RIPK1: variants seen among roughly 807,000 people sequenced by gnomAD.
The protein encoded by RIPK1 is receptor interacting serine/threonine kinase 1.
Under a neutral mutation model 62.4 loss-of-function variants are expected in RIPK1, and 27 were observed. The observed-to-expected ratio is 0.43, with a 90% confidence interval of 0.32 to 0.60. The LOEUF (loss-of-function observed/expected upper bound fraction) is 0.60, where lower values mean the gene tolerates loss of function less well. Among genes scored for constraint, RIPK1 ranks in the 20% least tolerant of loss-of-function variants. The pLI, the probability that RIPK1 is intolerant of heterozygous loss-of-function variation, is 0.07. For missense variants in RIPK1, 735 were observed against 831.0 expected, an observed-to-expected ratio of 0.88 and a Z score of 1.42; for synonymous variants, 287 against 303.2, an observed-to-expected ratio of 0.95 and a Z score of 0.55.
chr6:3,076,835 C>G lies in RIPK1; in HGVS notation c.12C>G (p.Asp4Glu), dbSNP rs1197907942. Reference sequence around the variant, plus strand: ...TCTTGAGCTTCAGAATGCAACCAGACATGTCCTTGAATGTCATTAAGATGA... The same window carrying G: ...TCTTGAGCTTCAGAATGCAACCAGAGATGTCCTTGAATGTCATTAAGATGA... MQP[D>E]MSLNVIKMKS... The change falls in exon 2 of 11, where the codon GAC becomes GAG. Residue 4 changes from aspartate to glutamate, a missense_variant. Coordinates refer to ENST00000259808, the MANE Select transcript of RIPK1 (RefSeq NM_001354930.2). The G allele has an allele frequency of 6.2e-7, 1 of 1,613,076 alleles. No homozygotes were observed. The highest frequency in any genetic ancestry group is 1.1e-5 in the South Asian group (1 of 91,010).
At position 3,072,592 on chromosome 6, in the gene RIPK1, G is replaced by A. The variant is rs978888981; in HGVS notation, c.-61+3931G>A. Among the ~76,000 whole-genome samples, 1 of 152,056 alleles carries A rather than the reference G, an allele frequency of 6.6e-6. No individual in the cohort carries two copies. Among genetic ancestry groups the A allele is most frequent in the Non-Finnish European group, 1.5e-5 (1 of 68,010 alleles). Reference sequence around the variant, plus strand: ...TTCAATTGATGATGGGCCGGCATACGTTGGGTTCTGCTAGGCTCTGGAGAT... The same window carrying A: ...TTCAATTGATGATGGGCCGGCATACATTGGGTTCTGCTAGGCTCTGGAGAT... On this transcript the variant is annotated intron_variant, in intron 1 of 10. Coordinates refer to ENST00000259808, the MANE Select transcript of RIPK1 (RefSeq NM_001354930.2). The surrounding 1 kb of genome is among the most constrained non-coding windows in gnomAD (Gnocchi z 5.6).
intron 1 of RIPK1, among the ~76,000 whole-genome samples, chr6:3,075,768 T>G (rs555285400): frequency 3.3e-5 from 5 of 152,294 alleles, no homozygotes; most frequent in Non-Finnish European, 5.9e-5. Flanking sequence ...AAGTTCATAG[T>G]TTAGGCGATC....
intron 7 of RIPK1, among the ~76,000 whole-genome samples, chr6:3,097,688 A>G (rs1760385192): frequency 6.6e-6 from 1 of 152,240 alleles, no homozygotes. Flanking sequence ...GGGGATCCTC[A>G]ACAGTATACA....
rs932277258 is a variant in RIPK1, at chr6:3,115,087, A to G, written c.*1748A>G. 3.3e-5 allele frequency: 5 copies of G among 152,186 alleles called. No homozygotes were observed. The highest frequency in any genetic ancestry group is 1.2e-4 in the African/African-American group (5 of 41,442). The allele number at this position is 152,186 out of a possible 1,614,324, so 9.4% of individuals were successfully genotyped here. ...CTTGTACCACCATCCAAATGGTGTT[A>G]TCAAATCTCTTAGATTCCAAAGAGG... On this transcript the variant is annotated 3_prime_UTR_variant, in exon 11 of 11. Coordinates refer to ENST00000259808, the MANE Select transcript of RIPK1 (RefSeq NM_001354930.2).
intron 6 of RIPK1, among the ~76,000 whole-genome samples, chr6:3,088,140 T>C (rs1759826509): frequency 6.6e-6 from 1 of 152,246 alleles, no homozygotes; most frequent in South Asian, 2.1e-4. Context: ...CTGTATCCTC[T>C]TTAAGCCTTC....
rs996717080 is a variant in RIPK1 at position 3,114,708 on chromosome 6, C to G, written c.*1369C>G. 1 of 152,284 alleles carries G rather than the reference C, an allele frequency of 6.6e-6. No homozygotes were observed. The highest frequency in any genetic ancestry group is 2.4e-5 in the African/African-American group (1 of 41,428). 9.4% of individuals were successfully genotyped at this position (152,284 alleles called of 1,614,324 possible). A position where few individuals can be genotyped will look rare whatever the true frequency, so the allele number is the denominator to read the frequency against. On this transcript the variant is annotated 3_prime_UTR_variant, in exon 11 of 11. Transcript: ENST00000259808. The surrounding 1 kb of genome is among the most constrained non-coding windows in gnomAD (Gnocchi z 5.0). ...TGCAGAGCAGGCTGTCTCAGCCTTG[C>G]CACTGTCGGCATCTCGGCCTGGGTA... is the stretch of plus-strand genomic sequence containing the variant.
chr6:3,098,368 A>G (rs1432243808), intron 7 of RIPK1, among the ~76,000 whole-genome samples: 2 of 152,242 alleles, frequency 1.3e-5, no homozygotes, highest in Non-Finnish European at 2.9e-5. Context: ...ATACACCAAA[A>G]AAGTGCACAA....
Position 3,082,982 on chromosome 6 carries a change from T to A in RIPK1, c.460-103T>A, listed in dbSNP as rs1759479202. The A allele has an allele frequency of 5.4e-6, 6 of 1,121,358 alleles. No homozygotes were observed. The Admixed American group carries it at 1.1e-4, about 21-fold the overall frequency. 69.5% of individuals were successfully genotyped at this position (1,121,358 alleles called of 1,614,324 possible). On this transcript the variant is annotated intron_variant, in intron 4 of 10. Coordinates refer to ENST00000259808, the MANE Select transcript of RIPK1 (RefSeq NM_001354930.2). ...CCCAGTGCAACCATTTCTGGAAAATTTACCGTACCTTATGTATAATGGATA... is the reference window on the plus strand; with the variant it reads ...CCCAGTGCAACCATTTCTGGAAAATATACCGTACCTTATGTATAATGGATA...
upstream of RIPK1, among the ~76,000 whole-genome samples, chr6:3,066,752 A>G (rs1488687880): frequency 2.0e-5 from 3 of 152,196 alleles, no homozygotes; most frequent in African/African-American, 7.2e-5. Flanking sequence ...AAACATATAC[A>G]TTATCAGCCA....
intron 9 of RIPK1, among the ~76,000 whole-genome samples, chr6:3,110,320 T>C (rs1419949112): frequency 6.6e-6 from 1 of 151,484 alleles, no homozygotes; most frequent in African/African-American, 2.4e-5. Context: ...GTGATTCTCC[T>C]GCCTCAGCCT....
intron 5 of RIPK1, among the ~76,000 whole-genome samples, chr6:3,084,718 C>T (rs1406558505): frequency 6.6e-5 from 10 of 151,918 alleles, no homozygotes; most frequent in South Asian, 2.1e-4. Flanking sequence ...CTCAGCCTCC[C>T]GAGTAGCTGG....
intron 4 of RIPK1, among the ~76,000 whole-genome samples, chr6:3,082,840 G>T (rs939164038): frequency 3.9e-5 from 6 of 152,166 alleles, no homozygotes; most frequent in Non-Finnish European, 7.3e-5. Context: ...CCCCCTTACT[G>T]CATAAGGAAT....
chr6:3,071,404 A>G (rs1758705569), intron 1 of RIPK1, among the ~76,000 whole-genome samples: 1 of 152,236 alleles, frequency 6.6e-6, no homozygotes, highest in Non-Finnish European at 1.5e-5. Flanking sequence ...CCCTGAATTA[A>G]TATTTATGCA....
chr6:3,072,631 A>G lies in RIPK1; in HGVS notation c.-61+3970A>G, dbSNP rs920786039. Among the ~76,000 whole-genome samples, 1 of 152,152 alleles carries G rather than the reference A, an allele frequency of 6.6e-6. No individual in the cohort carries two copies. Among genetic ancestry groups the G allele is most frequent in the Non-Finnish European group, 1.5e-5 (1 of 68,032 alleles). ...GGCTCTGGAGATGGTGCACAAGACA[A>G]GTTTCCTGCCTTCTGTGAACTTCAT... is the stretch of plus-strand genomic sequence containing the variant. On this transcript the variant is annotated intron_variant, in intron 1 of 10. Coordinates refer to ENST00000259808, the MANE Select transcript of RIPK1 (RefSeq NM_001354930.2). The surrounding 1 kb of genome is among the most constrained non-coding windows in gnomAD (Gnocchi z 5.6).
chr6:3,095,154 T>A (rs11967255), intron 7 of RIPK1, among the ~76,000 whole-genome samples: 14 of 152,084 alleles, frequency 9.2e-5, no homozygotes, highest in Admixed American at 2.6e-4. Flanking sequence ...ACATCAAATG[T>A]TATTAAGAGA....
chr6:3,098,094 G>A (rs1418026025), intron 7 of RIPK1, among the ~76,000 whole-genome samples: 1 of 152,212 alleles, frequency 6.6e-6, no homozygotes. Flanking sequence ...AGCTACTCAG[G>A]AGGCTGAGAT....
At position 3,089,336 on chromosome 6, in the gene RIPK1, C is replaced by T. The variant is rs563339549; in HGVS notation, c.839-245C>T. On this transcript the variant is annotated intron_variant, in intron 6 of 10. Coordinates refer to ENST00000259808, the MANE Select transcript of RIPK1 (RefSeq NM_001354930.2). ...TGTTGCAGCCAGAGAAACTGCAGCACGAATAAAAAGCACAAAGAGCACAGG... is the reference window on the plus strand; with the variant it reads ...TGTTGCAGCCAGAGAAACTGCAGCATGAATAAAAAGCACAAAGAGCACAGG... 7.2e-5 allele frequency among the ~76,000 whole-genome samples: 11 copies of T among 152,256 alleles called. No individual in the cohort carries two copies. The East Asian group carries it at 1.2e-3, about 16-fold the overall frequency.
rs1759081470 is a variant in RIPK1, at chr6:3,076,769, A to C, written c.-55A>C. The C allele has an allele frequency of 8.2e-6, 13 of 1,584,588 alleles. No homozygotes were observed. The South Asian group carries it at 1.4e-4, about 18-fold the overall frequency. ...TCTCTCTGTTTTCTTTACAGGGTAC[A>C]GCTCTGCCGGGGGGGGAAAAAGTGG... On this transcript the variant is annotated 5_prime_UTR_variant, in exon 2 of 11. Transcript: ENST00000259808.
At chr6:3,064,313 C>G (rs568508442), upstream of RIPK1, among the ~76,000 whole-genome samples, 63 of 152,326 alleles carry the variant, frequency 4.1e-4, no homozygotes, top group East Asian at 0.01. Flanking sequence ...CTGCCCTTCC[C>G]TGGCCGAAGC....
Sources: allele counts gnomAD v4.1 joint callset (sites outside exome capture counted in the v4.1 genomes callset), GRCh38; gene constraint gnomAD v4.1.1; non-coding constraint Gnocchi (gnomAD v3.1); transcripts MANE v1.5; gene names NCBI Gene and HGNC (gene_info 2026-07-23, HGNC 2026-07-21).